The following HNF4G variants were observed in gnomAD, a reference collection of about 807,000 sequenced individuals.
HNF4G encodes hepatocyte nuclear factor 4-gamma.
A neutral mutation model predicts 50.9 loss-of-function variants in HNF4G; 21 were observed. That is an observed-to-expected ratio of 0.41 (90% CI 0.29 to 0.59). The LOEUF is 0.59. Among genes scored for constraint, HNF4G ranks in the 20% least tolerant of loss-of-function variants. The pLI is 0.26. For synonymous variants in HNF4G, 198 were observed against 185.6 expected (o/e 1.07, Z -0.54); for missense variants, 527 against 559.4 (o/e 0.94, Z 0.58).
At position 75,560,475 on chromosome 8, in the gene HNF4G, A is replaced by G; in HGVS notation, c.1246+9A>G. On this transcript the variant is annotated intron_variant, in intron 9 of 9. Coordinates refer to ENST00000396423, the MANE Select transcript of HNF4G (RefSeq NM_004133.5). ...TCATGCAGACCAGATCTGTAAGTTT[A>G]TAGACTACTTTTCAACCAAGATATT... 1 of 1,604,660 alleles carries G rather than the reference A, an allele frequency of 6.2e-7. No homozygotes were observed. The highest frequency in any genetic ancestry group is 2.2e-5 in the East Asian group (1 of 44,706).
intron 1 of HNF4G, among the ~76,000 whole-genome samples, chr8:75,425,539 A>G (rs1810872514): frequency 6.8e-6 from 1 of 148,020 alleles, no homozygotes; most frequent in Non-Finnish European, 1.5e-5. Context: ...TTAATCATAC[A>G]CACAAATTTT....
rs191548263 is a variant in HNF4G at position 75,467,859 on chromosome 8, C to T, written c.-143-22230C>T. Among the ~76,000 whole-genome samples, 1,129 of 152,118 alleles carry T rather than the reference C, an allele frequency of 7.4e-3. 3 individuals carry two copies. Among genetic ancestry groups the T allele is most frequent in the Non-Finnish European group, 0.012 (846 of 67,998 alleles). On this transcript the variant is annotated intron_variant, in intron 1 of 10. Coordinates refer to the HNF4G transcript ENST00000354370. Reference sequence around the variant, plus strand: ...CAGAATCCAGAGTCCTAATCTGGACCATGGAAACTGAGTTGCTAGGACGGA... The same window carrying T: ...CAGAATCCAGAGTCCTAATCTGGACTATGGAAACTGAGTTGCTAGGACGGA...
intron 1 of HNF4G, among the ~76,000 whole-genome samples, chr8:75,457,064 T>A (rs909832354): frequency 6.6e-5 from 10 of 152,214 alleles, no homozygotes; most frequent in African/African-American, 2.2e-4. Flanking sequence ...GTTAATTTGG[T>A]TAAATATTTA....
intron 1 of HNF4G, among the ~76,000 whole-genome samples, chr8:75,441,520 C>T (rs1007533720): frequency 6.6e-6 from 1 of 152,140 alleles, no homozygotes; most frequent in Non-Finnish European, 1.5e-5. Flanking sequence ...CCTGGGATTA[C>T]AGATGTGAGC....
intron 1 of HNF4G, among the ~76,000 whole-genome samples, chr8:75,479,185 A>G (rs1235066963): frequency 2.0e-5 from 3 of 152,308 alleles, no homozygotes; most frequent in Non-Finnish European, 4.4e-5. Flanking sequence ...CTCTTAGATT[A>G]TATATCCCTT....
intron 1 of HNF4G, among the ~76,000 whole-genome samples, chr8:75,421,301 T>G (rs1443754047): frequency 1.3e-5 from 2 of 152,192 alleles, no homozygotes; most frequent in African/African-American, 2.4e-5. Flanking sequence ...AGTGGCTACC[T>G]AGTTGGTCAG....
At chr8:75,535,691 T>C (rs1482222342), upstream of HNF4G, among the ~76,000 whole-genome samples, 1 of 151,962 alleles carries the variant, frequency 6.6e-6, no homozygotes, top group Non-Finnish European at 1.5e-5. Flanking sequence ...GTTTTTATAT[T>C]GTTATTAGCA....
intron 2 of HNF4G, among the ~76,000 whole-genome samples, chr8:75,531,732 G>A (rs1445135353): frequency 1.3e-5 from 2 of 151,958 alleles, no homozygotes; most frequent in Non-Finnish European, 2.9e-5. Context: ...CATCTACATT[G>A]TATTAGGTAC....
chr8:75,541,124 G>T (rs1469047476), intron 1 of HNF4G, among the ~76,000 whole-genome samples: 1 of 151,970 alleles, frequency 6.6e-6, no homozygotes, highest in East Asian at 1.9e-4. Context: ...CTTGACTAGA[G>T]ATATTTAATA....
At chr8:75,517,750 G>A (rs1042990873) in intron 2 of HNF4G, among the ~76,000 whole-genome samples, 1 of 152,110 alleles carries the variant, frequency 6.6e-6, no homozygotes, top group Non-Finnish European at 1.5e-5. Context: ...CAGGTGCACA[G>A]TGCAAGTCTA....
intron 2 of HNF4G, among the ~76,000 whole-genome samples, chr8:75,518,785 A>T (rs1805962727): frequency 6.6e-6 from 1 of 151,626 alleles, no homozygotes; most frequent in African/African-American, 2.4e-5. Flanking sequence ...GATGGGAGGG[A>T]CTGCCACGAA....
At chr8:75,529,724 A>C (rs548845054) in intron 2 of HNF4G, among the ~76,000 whole-genome samples, 20 of 152,198 alleles carry the variant, frequency 1.3e-4, no homozygotes, top group Non-Finnish European at 2.4e-4. Flanking sequence ...ACCTTAAATT[A>C]GATGTGAATT....
At chr8:75,432,981 A>G (rs945440550) in intron 1 of HNF4G, among the ~76,000 whole-genome samples, 1 of 152,126 alleles carries the variant, frequency 6.6e-6, no homozygotes, top group Admixed American at 6.6e-5. Flanking sequence ...GCCATTTTCA[A>G]AGAAGATCCC....
At chr8:75,431,948 AC>A (rs1448564081) in intron 1 of HNF4G, among the ~76,000 whole-genome samples, 1 of 151,742 alleles carries the variant, frequency 6.6e-6, no homozygotes, top group African/African-American at 2.4e-5. Context: ...CAAAACAAAA[AC>A]AAAATAGATG....
At chr8:75,463,381 A>C (rs1353186000) in intron 1 of HNF4G, among the ~76,000 whole-genome samples, 1 of 152,090 alleles carries the variant, frequency 6.6e-6, no homozygotes, top group Non-Finnish European at 1.5e-5. Flanking sequence ...GTTGGGTTTT[A>C]ATTCTTTTTC....
At chr8:75,547,977 T>C (rs1563550075) in intron 3 of HNF4G, among the ~76,000 whole-genome samples, 1 of 148,408 alleles carries the variant, frequency 6.7e-6, no homozygotes, top group African/African-American at 2.5e-5. Flanking sequence ...TGTTAGTGGG[T>C]TGAAATTACA....
intron 1 of HNF4G, among the ~76,000 whole-genome samples, chr8:75,434,946 G>A (rs1262908381): frequency 1.3e-5 from 2 of 152,082 alleles, no homozygotes; most frequent in Non-Finnish European, 2.9e-5. Flanking sequence ...AAGAACATAC[G>A]AATCTGAATA....
chr8:75,493,780 AC>A (rs1430730063), intron 2 of HNF4G, among the ~76,000 whole-genome samples: 2 of 152,012 alleles, frequency 1.3e-5, no homozygotes, highest in Non-Finnish European at 2.9e-5. Flanking sequence ...CAATTAGAAA[AC>A]TTTTTTGCTG....
chr8:75,467,502 T>C (rs1237684985), intron 1 of HNF4G, among the ~76,000 whole-genome samples: 1 of 151,998 alleles, frequency 6.6e-6, no homozygotes, highest in African/African-American at 2.4e-5. Context: ...TCTACTAAAA[T>C]ACAAAAAATC....
Sources: allele counts gnomAD v4.1 joint callset (sites outside exome capture counted in the v4.1 genomes callset), GRCh38; gene constraint gnomAD v4.1.1; transcripts MANE v1.5; gene names NCBI Gene and HGNC (gene_info 2026-07-23, HGNC 2026-07-21).